ECPAS: variants seen among roughly 807,000 people sequenced by gnomAD.
The protein encoded by ECPAS is proteasome adapter and scaffold protein ECM29.
A neutral mutation model predicts 255.1 loss-of-function variants in ECPAS; 70 were observed. The ratio of observed to expected loss-of-function variants is 0.27; its 90% CI spans 0.23 to 0.33. The LOEUF (loss-of-function observed/expected upper bound fraction) is 0.33. Ranked by LOEUF, ECPAS falls within the 10% of genes least tolerant of loss-of-function variation. The probability of loss-of-function intolerance (pLI) is 1.00; values close to 1 mark genes in which losing one functional copy is unlikely to be tolerated. For missense variants in ECPAS, 1,817 were observed against 2,206.4 expected (o/e 0.82, Z 3.54); for synonymous variants, 784 against 775.0 (o/e 1.01, Z -0.19).
intron 1 of ECPAS, 63 bp from the exon 2 acceptor site, chr9:111,473,063 G>GA (rs1403221568): frequency 1.5e-5 from 6 of 409,348 alleles, no homozygotes; most frequent in Non-Finnish European, 2.1e-5. Flanking sequence ...ACAATTTTAA[G>GA]AAAAAAATAA....
intron 2 of ECPAS, among the ~76,000 whole-genome samples, chr9:111,471,591 G>A (rs1005608937): frequency 3.9e-5 from 6 of 152,170 alleles, no homozygotes; most frequent in African/African-American, 1.4e-4. Flanking sequence ...ACTGGATATT[G>A]AGTCCATGAT....
intron 2 of ECPAS, among the ~76,000 whole-genome samples, chr9:111,462,595 CAT>C (rs1309522521): frequency 2.6e-5 from 4 of 151,680 alleles, no homozygotes; most frequent in East Asian, 3.9e-4. Context: ...TTTTTAAAAA[CAT>C]ATAATTAACA....
chr9:111,440,672 T>A (rs1004892001), intron 5 of ECPAS, among the ~76,000 whole-genome samples, 151 bp from the exon 6 acceptor site: 1 of 152,224 alleles, frequency 6.6e-6, no homozygotes, highest in East Asian at 1.9e-4. Context: ...AAAGTCCTAA[T>A]CTAGGGACTG....
chr9:111,431,379 G>T (rs189198646), intron 8 of ECPAS, among the ~76,000 whole-genome samples: 1 of 152,036 alleles, frequency 6.6e-6, no homozygotes, highest in African/African-American at 2.4e-5. Flanking sequence ...CCAGCATGGC[G>T]AAACCCCATC....
At chr9:111,402,239 G>C (rs1564520055) in intron 24 of ECPAS, among the ~76,000 whole-genome samples, 1 of 152,100 alleles carries the variant, frequency 6.6e-6, no homozygotes, top group Non-Finnish European at 1.5e-5. Context: ...CCTCCACTTG[G>C]GGTCCCTGAC....
intron 2 of ECPAS, among the ~76,000 whole-genome samples, chr9:111,457,721 AC>A (rs966674776): frequency 2.2e-4 from 33 of 152,230 alleles, no homozygotes; most frequent in African/African-American, 7.5e-4. Flanking sequence ...AAAATGAACT[AC>A]AAATGTGAAG....
intron 2 of ECPAS, among the ~76,000 whole-genome samples, chr9:111,457,839 C>A (rs1337246866): frequency 6.6e-6 from 1 of 152,180 alleles, no homozygotes; most frequent in Non-Finnish European, 1.5e-5. Flanking sequence ...CTTCCCCCTA[C>A]CCCTATAGCA....
intron 2 of ECPAS, among the ~76,000 whole-genome samples, chr9:111,455,490 A>G (rs1031317513): frequency 6.6e-6 from 1 of 152,104 alleles, no homozygotes; most frequent in African/African-American, 2.4e-5. Flanking sequence ...TCTCAGAAAA[A>G]GAAAGAAAGA....
chr9:111,435,846 ATTTTT>A (rs201323788), intron 7 of ECPAS, among the ~76,000 whole-genome samples: 1 of 127,552 alleles, frequency 7.8e-6, no homozygotes. Flanking sequence ...CGCCCAGCTA[ATTTTT>A]TTTTTTTTTT....
chr9:111,416,894 T>C (rs975824830), intron 17 of ECPAS, among the ~76,000 whole-genome samples: 1 of 152,182 alleles, frequency 6.6e-6, no homozygotes, highest in Non-Finnish European at 1.5e-5. Flanking sequence ...CTGGATCTAC[T>C]AGCAGAAAAC....
chr9:111,414,042 G>A (rs1026357683), intron 19 of ECPAS, 56 bp from the exon 20 acceptor site: 1 of 1,177,968 alleles, frequency 8.5e-7, no homozygotes, highest in Non-Finnish European at 1.2e-6. Context: ...AACATACAGG[G>A]ATCACTAAAT....
intron 24 of ECPAS, among the ~76,000 whole-genome samples, chr9:111,398,080 A>G (rs1237703229): frequency 6.6e-6 from 1 of 152,236 alleles, no homozygotes; most frequent in Non-Finnish European, 1.5e-5. Context: ...GAATGAACAG[A>G]CAGCATGTGA....
At chr9:111,465,550 T>C (rs530131773) in intron 2 of ECPAS, among the ~76,000 whole-genome samples, 1 of 152,074 alleles carries the variant, frequency 6.6e-6, no homozygotes, top group East Asian at 1.9e-4. Flanking sequence ...ATGTCAACAT[T>C]ACTCTCCATA....
chr9:111,386,271 T>C, intron 32 of ECPAS, 106 bp downstream of exon 32: 1 of 780,156 alleles, frequency 1.3e-6, no homozygotes, highest in South Asian at 1.6e-5. Context: ...GCCAGCTTTT[T>C]AGTAGTTTTA....
rs905226375 is a variant in ECPAS, at chr9:111,472,468, T to C, written c.22+429A>G. Among the ~76,000 whole-genome samples the C allele has an allele frequency of 2.6e-5, 4 of 151,452 alleles. No individual in the cohort carries two copies. In the East Asian group the frequency reaches 5.8e-4, roughly 22 times the overall value. On this transcript the variant is annotated intron_variant, in intron 2 of 49. Coordinates refer to ENST00000684092, the MANE Select transcript of ECPAS (RefSeq NM_001364929.1). ...GACCAGCCTTCATGGCAAAACCCCATCTCTACTAAAAATATAAAAATTAGC... is the reference window on the plus strand; with the variant it reads ...GACCAGCCTTCATGGCAAAACCCCACCTCTACTAAAAATATAAAAATTAGC...
chr9:111,419,134 AT>A (rs2098209115), intron 16 of ECPAS, among the ~76,000 whole-genome samples: 2 of 152,216 alleles, frequency 1.3e-5, no homozygotes, highest in Non-Finnish European at 1.5e-5. Flanking sequence ...GGAATTACCC[AT>A]TTTTAAAAAA....
chr9:111,376,647 A>G, intron 36 of ECPAS, 106 bp from the exon 37 acceptor site: 1 of 829,670 alleles, frequency 1.2e-6, no homozygotes, highest in Admixed American at 2.2e-5. Context: ...ACTTTAAAAA[A>G]AAATAATCCG....
chr9:111,429,495 C>A (rs1418284336), intron 9 of ECPAS, among the ~76,000 whole-genome samples: 2 of 152,282 alleles, frequency 1.3e-5, no homozygotes, highest in Admixed American at 6.5e-5. Context: ...CTAATCTAAT[C>A]CAACCCCTTC....
chr9:111,387,332 T>A (rs977748446), intron 31 of ECPAS, among the ~76,000 whole-genome samples: 1 of 140,564 alleles, frequency 7.1e-6, no homozygotes, highest in African/African-American at 2.7e-5. Context: ...AGTGCAGTTA[T>A]TGAGGGACAG....
Sources: allele counts gnomAD v4.1 joint callset (sites outside exome capture counted in the v4.1 genomes callset), GRCh38; gene constraint gnomAD v4.1.1; transcripts MANE v1.5; gene names NCBI Gene and HGNC (gene_info 2026-07-23, HGNC 2026-07-21).